Variants in CNTNAP2 observed in about 807,000 individuals in gnomAD.
CNTNAP2 encodes the protein contactin associated protein 2, also known as contactin-associated protein-like 2.
Under a neutral mutation model 155.2 loss-of-function variants are expected in CNTNAP2, and 98 were observed. The ratio of observed to expected loss-of-function variants is 0.63; its 90% CI spans 0.54 to 0.75. The LOEUF (loss-of-function observed/expected upper bound fraction) is 0.75, where lower values mean the gene tolerates loss of function less well. CNTNAP2 is among the 30% of genes least tolerant of loss of function. CNTNAP2 has a pLI of 0.00. For synonymous variants in CNTNAP2, 651 were observed against 631.2 expected (o/e 1.03, Z -0.47); for missense variants, 1,727 against 1,688.1 (o/e 1.02, Z -0.40).
intron 1 of CNTNAP2, among the ~76,000 whole-genome samples, chr7:146,191,642 T>C (rs766138380): frequency 1.5e-4 from 23 of 152,070 alleles, no homozygotes; most frequent in Non-Finnish European, 2.9e-4. Context: ...AGAGCGGCCA[T>C]TTTAGAGACC....
rs545311022 is a variant in CNTNAP2 at position 146,994,612 on chromosome 7, C to A, written c.403-49295C>A. Reference sequence around the variant, plus strand: ...TTTTATTTTTTGTCATTACATCATGCAGCTGTTTTCCTCTATCCCAAGAAT... The same window carrying A: ...TTTTATTTTTTGTCATTACATCATGAAGCTGTTTTCCTCTATCCCAAGAAT... On this transcript the variant is annotated intron_variant, in intron 3 of 23. Transcript: ENST00000361727. Among the ~76,000 whole-genome samples, 133 of 152,158 alleles carry A rather than the reference C, an allele frequency of 8.7e-4. 1 individual carries two copies. Among genetic ancestry groups the A allele is most frequent in the African/African-American group, 3.1e-3 (127 of 41,534 alleles).
intron 4 of CNTNAP2, among the ~76,000 whole-genome samples, chr7:147,107,434 A>G (rs964593224): frequency 6.6e-6 from 1 of 152,148 alleles, no homozygotes; most frequent in Non-Finnish European, 1.5e-5. Context: ...TACGCTGGAT[A>G]TTTGTTCTTT....
At chr7:146,369,683 C>T (rs1202830236) in intron 1 of CNTNAP2, among the ~76,000 whole-genome samples, 1 of 152,076 alleles carries the variant, frequency 6.6e-6, no homozygotes, top group African/African-American at 2.4e-5. Context: ...TGTTTAAAAG[C>T]TACTTGAGTT....
At chr7:146,720,999 A>G (rs1801284270) in intron 1 of CNTNAP2, among the ~76,000 whole-genome samples, 1 of 88,432 alleles carries the variant, frequency 1.1e-5, no homozygotes, top group Non-Finnish European at 1.9e-5. Context: ...GTATATATAT[A>G]GTCTATATAT....
chr7:146,729,228 C>A (rs1206179136), intron 1 of CNTNAP2, among the ~76,000 whole-genome samples: 1 of 152,126 alleles, frequency 6.6e-6, no homozygotes, highest in Non-Finnish European at 1.5e-5. Flanking sequence ...CAGGGAGTAG[C>A]TTAAAACAGC....
intron 3 of CNTNAP2, among the ~76,000 whole-genome samples, chr7:146,934,429 C>T (rs1024859112): frequency 5.4e-4 from 55 of 102,040 alleles, no homozygotes; most frequent in African/African-American, 1.6e-3. Flanking sequence ...CATCACACTC[C>T]GTGGCCTGTT....
chr7:146,452,452 T>C (rs1388909574), intron 1 of CNTNAP2, among the ~76,000 whole-genome samples: 3 of 152,164 alleles, frequency 2.0e-5, no homozygotes, highest in African/African-American at 7.2e-5. Flanking sequence ...GTATCCTTCT[T>C]TAAAACACTG....
At chr7:146,381,377 A>G (rs1795387105) in intron 1 of CNTNAP2, among the ~76,000 whole-genome samples, 1 of 152,194 alleles carries the variant, frequency 6.6e-6, no homozygotes, top group Admixed American at 6.5e-5. Flanking sequence ...TTCTTTTTTA[A>G]ATTGGATGAG....
chr7:146,225,185 A>C (rs1799272114), intron 1 of CNTNAP2, among the ~76,000 whole-genome samples: 1 of 152,024 alleles, frequency 6.6e-6, no homozygotes, highest in Non-Finnish European at 1.5e-5. Context: ...AGTGAAACAA[A>C]CTGAACAAGC....
At chr7:147,960,454 T>C (rs527276013) in intron 14 of CNTNAP2, among the ~76,000 whole-genome samples, 1 of 152,270 alleles carries the variant, frequency 6.6e-6, no homozygotes, top group African/African-American at 2.4e-5. Flanking sequence ...TTCAGGTATA[T>C]TCAATTATAA....
chr7:147,711,032 G>A lies in CNTNAP2; in HGVS notation c.2098+71726G>A, dbSNP rs527471532. Among the ~76,000 whole-genome samples, 27 of 152,206 alleles carry A rather than the reference G, an allele frequency of 1.8e-4. 1 individual carries two copies. The South Asian group carries it at 3.7e-3, about 21-fold the overall frequency. ...ACTCAGCAAGACATTTGACATTCTC[G>A]TAATACAGCACATCCCAGGATTAAT... On this transcript the variant is annotated intron_variant, in intron 13 of 23. Transcript: ENST00000361727.
Position 146,801,345 on chromosome 7 carries a change from T to C in CNTNAP2, c.208+26964T>C, listed in dbSNP as rs374209333. 2.2e-3 allele frequency among the ~76,000 whole-genome samples: 339 copies of C among 152,234 alleles called. 1 individual carries two copies. Among genetic ancestry groups the C allele is most frequent in the African/African-American group, 7.3e-3 (302 of 41,546 alleles). On this transcript the variant is annotated intron_variant, in intron 2 of 23. Coordinates refer to ENST00000361727, the MANE Select transcript of CNTNAP2 (RefSeq NM_014141.6). ...AGACGTCTGAGACCATCTCCAACATTTGTGGCCACATTTCCAGATGAGATT... is the reference window on the plus strand; with the variant it reads ...AGACGTCTGAGACCATCTCCAACATCTGTGGCCACATTTCCAGATGAGATT...
intron 11 of CNTNAP2, among the ~76,000 whole-genome samples, chr7:147,543,141 C>T (rs1799668992): frequency 6.6e-6 from 1 of 152,166 alleles, no homozygotes; most frequent in African/African-American, 2.4e-5. Context: ...CAGTCATTAG[C>T]ATTGTTTCTA....
intron 4 of CNTNAP2, among the ~76,000 whole-genome samples, chr7:147,092,945 G>A (rs954875157): frequency 1.3e-5 from 2 of 152,156 alleles, no homozygotes; most frequent in South Asian, 2.1e-4. Context: ...GGGTATGGCC[G>A]GGCGCGGTGG....
chr7:146,854,023 A>T (rs1794930700), intron 3 of CNTNAP2, among the ~76,000 whole-genome samples: 2 of 152,224 alleles, frequency 1.3e-5, no homozygotes, highest in Admixed American at 6.5e-5. Flanking sequence ...TAGGATTTCT[A>T]TAGGAGAGAA....
intron 1 of CNTNAP2, among the ~76,000 whole-genome samples, chr7:146,190,057 C>G (rs1477476050): frequency 7.3e-6 from 1 of 136,780 alleles, no homozygotes; most frequent in South Asian, 2.2e-4. Flanking sequence ...AGACAGCACT[C>G]TGACTTATAA....
At chr7:146,958,437 G>A (rs1325244799) in intron 3 of CNTNAP2, among the ~76,000 whole-genome samples, 9 of 118,402 alleles carry the variant, frequency 7.6e-5, no homozygotes, top group East Asian at 4.9e-4. Context: ...TTTTTGAGAC[G>A]GAGTCTCACT....
chr7:147,083,587 T>TATACACATATATATATGTATATATATAC (rs1554435245), intron 4 of CNTNAP2, among the ~76,000 whole-genome samples: 1 of 144,436 alleles, frequency 6.9e-6, no homozygotes, highest in African/African-American at 2.6e-5. Context: ...TATATATATA[T>TATACACATATATATATGTATATATATAC]ACACACACAC....
At chr7:147,655,927 T>G (rs1795519176) in intron 13 of CNTNAP2, among the ~76,000 whole-genome samples, 1 of 152,256 alleles carries the variant, frequency 6.6e-6, no homozygotes, top group South Asian at 2.1e-4. Flanking sequence ...GAAAATCTGT[T>G]GTTTAGTGTA....
Sources: gnomAD v4.1 joint callset for allele counts (sites outside exome capture counted in the v4.1 genomes callset) on GRCh38, gnomAD v4.1.1 for gene constraint, MANE v1.5 for transcripts, NCBI Gene and HGNC (gene_info 2026-07-23, HGNC 2026-07-21) for gene names.